Variants in SPMIP11 observed in about 807,000 individuals in gnomAD.
SPMIP11 encodes the protein sperm microtubule inner protein 11.
chr12:48,771,357 A>C, the SPMIP11 span: 48 of 485,194 alleles, frequency 9.9e-5, no homozygotes, highest in Non-Finnish European at 1.5e-4. The surrounding 1 kb of genome is among the most constrained non-coding windows in gnomAD (Gnocchi z 4.3). Context: ...ATTTTGCTTC[A>C]ATTTTCTCTA....
chr12:48,760,371 T>C, the SPMIP11 span, among the ~76,000 whole-genome samples: 4 of 148,074 alleles, frequency 2.7e-5, no homozygotes, highest in Non-Finnish European at 4.5e-5. Context: ...AGAGAGGGAG[T>C]CATGCTATGT....
chr12:48,765,121 A>G, the SPMIP11 span: 9 of 594,966 alleles, frequency 1.5e-5, no homozygotes, highest in Admixed American at 2.4e-4. Context: ...CTTACCAGAG[A>G]AAACTGGCCC....
At chr12:48,764,562 G>A in the SPMIP11 span, among the ~76,000 whole-genome samples, 1 of 152,160 alleles carries the variant, frequency 6.6e-6, no homozygotes, top group East Asian at 1.9e-4. Flanking sequence ...TTTCCCAAGT[G>A]GGTTGACCAC....
chr12:48,730,627 CT>C, the SPMIP11 span, among the ~76,000 whole-genome samples: 1 of 152,160 alleles, frequency 6.6e-6, no homozygotes, highest in Non-Finnish European at 1.5e-5. Context: ...TTACTGTTCC[CT>C]TTTTATCAGT....
the SPMIP11 span, chr12:48,769,175 A>C: frequency 1.7e-6 from 2 of 1,170,778 alleles, no homozygotes; most frequent in South Asian, 4.3e-5. Flanking sequence ...AAAAAGGACA[A>C]GTCTCCTGGT....
the SPMIP11 span, among the ~76,000 whole-genome samples, chr12:48,729,533 C>CA: frequency 0.22 from 31,689 of 141,510 alleles, 4,281 homozygotes; most frequent in Non-Finnish European, 0.32. Context: ...GACTCCATCT[C>CA]AAAAAAAAAA....
the SPMIP11 span, among the ~76,000 whole-genome samples, chr12:48,748,592 C>T: frequency 1.3e-5 from 2 of 151,826 alleles, no homozygotes; most frequent in Non-Finnish European, 2.9e-5. Context: ...TAGTGATTAT[C>T]GCTGCCCAGA....
chr12:48,764,277 C>G, the SPMIP11 span, among the ~76,000 whole-genome samples: 1 of 152,144 alleles, frequency 6.6e-6, no homozygotes, highest in Non-Finnish European at 1.5e-5. Flanking sequence ...GCGTGAGCCA[C>G]CGTGCCCAGC....
At chr12:48,728,611 G>A in the SPMIP11 span, among the ~76,000 whole-genome samples, 1 of 151,176 alleles carries the variant, frequency 6.6e-6, no homozygotes, top group African/African-American at 2.4e-5. Context: ...GGGAGGCTGA[G>A]GCAGGAGAAT....
the SPMIP11 span, among the ~76,000 whole-genome samples, chr12:48,729,635 G>A: frequency 2.6e-5 from 4 of 151,044 alleles, no homozygotes; most frequent in Non-Finnish European, 4.4e-5. Flanking sequence ...GCTTGAACCC[G>A]GGAGGCAGAG....
At chr12:48,728,707 CAAAAAAAAAAAA>C in the SPMIP11 span, among the ~76,000 whole-genome samples, 10 of 70,970 alleles carry the variant, frequency 1.4e-4, no homozygotes, top group African/African-American at 4.8e-4. Flanking sequence ...GACTCTGTCT[CAAAAAAAAAAAA>C]AAAAAAAAAA....
At chr12:48,747,264 C>T in the SPMIP11 span, among the ~76,000 whole-genome samples, 4 of 152,074 alleles carry the variant, frequency 2.6e-5, no homozygotes, top group East Asian at 1.9e-4. Context: ...GCTGAGATTA[C>T]AGGCATGAGC....
the SPMIP11 span, chr12:48,765,024 G>A: frequency 1.4e-6 from 1 of 693,784 alleles, no homozygotes; most frequent in Non-Finnish European, 2.6e-6. Flanking sequence ...AGGGTGGGGA[G>A]GTCAAGGGAA....
chr12:48,734,169 A>G, the SPMIP11 span, among the ~76,000 whole-genome samples: 1 of 152,132 alleles, frequency 6.6e-6, no homozygotes, highest in Admixed American at 6.6e-5. Context: ...CAATGACACT[A>G]TTATAGCTTA....
At chr12:48,741,060 T>C in the SPMIP11 span, among the ~76,000 whole-genome samples, 1 of 150,050 alleles carries the variant, frequency 6.7e-6, no homozygotes, top group Non-Finnish European at 1.5e-5. Context: ...CTTCGTTTCA[T>C]GATATTGACT....
chr12:48,770,776 C>G, the SPMIP11 span: 1 of 1,614,040 alleles, frequency 6.2e-7, no homozygotes, highest in Non-Finnish European at 8.5e-7. Context: ...CAATCTTCAT[C>G]TGGAAATTGT....
At chr12:48,757,497 T>C in the SPMIP11 span, among the ~76,000 whole-genome samples, 6 of 150,680 alleles carry the variant, frequency 4.0e-5, no homozygotes, top group African/African-American at 1.5e-4. Flanking sequence ...AATACAAAAA[T>C]GAGCCAGGCG....
chr12:48,752,515 C>A, the SPMIP11 span, among the ~76,000 whole-genome samples: 4 of 152,076 alleles, frequency 2.6e-5, no homozygotes, highest in Non-Finnish European at 5.9e-5. Flanking sequence ...GCAGATTCAG[C>A]CCAGCTTCCA....
At chr12:48,771,118 G>GAT in the SPMIP11 span, 1 of 785,318 alleles carries the variant, frequency 1.3e-6, no homozygotes, top group Non-Finnish European at 2.0e-6. The surrounding 1 kb of genome is among the most constrained non-coding windows in gnomAD (Gnocchi z 4.3). Context: ...GTGTAAGACT[G>GAT]AGGAGCTGGG....
Sources: gnomAD v4.1 joint callset for allele counts (sites outside exome capture counted in the v4.1 genomes callset) on GRCh38, gnomAD v4.1.1 for gene constraint, Gnocchi (gnomAD v3.1) non-coding constraint, MANE v1.5 for transcripts, NCBI Gene and HGNC (gene_info 2026-07-23, HGNC 2026-07-21) for gene names.